ALDH4A1: variants seen among roughly 807,000 people sequenced by gnomAD.
ALDH4A1 encodes the protein aldehyde dehydrogenase 4 family member A1.
A neutral mutation model predicts 70.5 loss-of-function variants in ALDH4A1; 46 were observed. The ratio of observed to expected loss-of-function variants is 0.65; its 90% CI spans 0.51 to 0.83. The LOEUF (loss-of-function observed/expected upper bound fraction) is 0.83, where lower values mean the gene tolerates loss of function less well. ALDH4A1 is among the 40% of genes least tolerant of loss of function. The pLI, the probability that ALDH4A1 is intolerant of heterozygous loss-of-function variation, is 0.00. For missense variants in ALDH4A1, 749 were observed against 766.5 expected, an observed-to-expected ratio of 0.98 and a Z score of 0.27; for synonymous variants, 323 against 324.3, an observed-to-expected ratio of 1.00 and a Z score of 0.04.
rs1268928034 is a variant in ALDH4A1, at chr1:18,881,711, T to C, written c.855A>G (p.Thr285=). The C allele has an allele frequency of 6.2e-6, 10 of 1,614,072 alleles. No individual in the cohort carries two copies. Among genetic ancestry groups the C allele is most frequent in the Non-Finnish European group, 7.6e-6 (9 of 1,180,038 alleles). The part of the protein sequence containing the change: ...SSEHLCGINF[T]GSVPTFKHLW... ...CCCCAGGGACTTACGGCACACTGCCTGTGAAGTTGATGCCACAGAGGTGCT... is the reference window on the plus strand; with the variant it reads ...CCCCAGGGACTTACGGCACACTGCCCGTGAAGTTGATGCCACAGAGGTGCT... The change falls in exon 8 of 15, where the codon ACA becomes ACG. Residue 285 remains threonine (T), a synonymous_variant. Coordinates refer to ENST00000375341, the MANE Select transcript of ALDH4A1 (RefSeq NM_003748.4).
At chr1:18,886,031 C>T (rs892547200) in intron 4 of ALDH4A1, among the ~76,000 whole-genome samples, 1 of 152,228 alleles carries the variant, frequency 6.6e-6, no homozygotes, top group East Asian at 1.9e-4. Context: ...CAGACCCCAA[C>T]TGCCCTCATC....
rs1422892341 is a variant in ALDH4A1, at chr1:18,898,522, G to T, written c.62+3940C>A. On this transcript the variant is annotated intron_variant, in intron 1 of 14. Transcript: ENST00000375341. The surrounding 1 kb of genome is among the most constrained non-coding windows in gnomAD (Gnocchi z 4.3). ...TCCAGGAAGCCCATTGGTGGGAGAG[G>T]GGGATCATCATAACCACAGCAGCAC... Among the ~76,000 whole-genome samples, 2 of 152,198 alleles carry T rather than the reference G, an allele frequency of 1.3e-5. No homozygotes were observed. The highest frequency in any genetic ancestry group is 3.8e-4 in the East Asian group (2 of 5,208).
chr1:18,886,615 G>T, intron 3 of ALDH4A1, 104 bp from the exon 4 acceptor site: 1 of 1,221,346 alleles, frequency 8.2e-7, no homozygotes, highest in Non-Finnish European at 1.2e-6. Flanking sequence ...TCCTGGACAC[G>T]CCTGCTGTCC....
intron 7 of ALDH4A1, 76 bp downstream of exon 7, chr1:18,883,048 C>T (rs1569753313): frequency 4.4e-6 from 7 of 1,589,966 alleles, no homozygotes; most frequent in East Asian, 2.2e-5. Flanking sequence ...CCAAGGGGCT[C>T]AGGGTGGCCT....
rs1236505712 is a variant in ALDH4A1 at position 18,882,774 on chromosome 1, C to T, written c.678+350G>A. 6 of 591,588 alleles carry T rather than the reference C, an allele frequency of 1.0e-5. No individual in the cohort carries two copies. The African/African-American group carries it at 1.1e-4, about 11-fold the overall frequency. The allele number at this position is 591,588 out of a possible 1,614,324, so 36.6% of individuals were successfully genotyped here. On this transcript the variant is annotated intron_variant, in intron 7 of 14. Coordinates refer to ENST00000375341, the MANE Select transcript of ALDH4A1 (RefSeq NM_003748.4). ...GCGGTAATGATCATCAACAGAGCCA[C>T]CAACACTCAGCCAGCTCCGGGCCAG...
chr1:18,887,067 C>T (rs9426640), intron 3 of ALDH4A1, among the ~76,000 whole-genome samples: 3 of 152,306 alleles, frequency 2.0e-5, no homozygotes, highest in Non-Finnish European at 2.9e-5. Flanking sequence ...CGCCCTGCCC[C>T]GAAGCCATCA....
intron 14 of ALDH4A1, 53 bp from the exon 15 acceptor site, chr1:18,873,010 G>A (rs1934514052): frequency 3.5e-6 from 5 of 1,445,378 alleles, no homozygotes; most frequent in Non-Finnish European, 4.8e-6. Flanking sequence ...AGCCTGGGCA[G>A]AAGGGGAAGG....
At position 18,890,320 on chromosome 1, in the gene ALDH4A1, T is replaced by A; in HGVS notation, c.63-215A>T. ...ACTTTGGGAGACCAAGGCGGGCAAA[T>A]CACTTGAGGTCAGGAGTTCGAGACC... is the stretch of plus-strand genomic sequence containing the variant. On this transcript the variant is annotated intron_variant, in intron 1 of 14. Coordinates refer to ENST00000375341, the MANE Select transcript of ALDH4A1 (RefSeq NM_003748.4). The A allele has an allele frequency of 5.8e-6, 3 of 517,284 alleles. No homozygotes were observed. The South Asian group carries it at 6.1e-5, about 11-fold the overall frequency. 32.0% of individuals were successfully genotyped at this position (517,284 alleles called of 1,614,324 possible).
At chr1:18,881,293 C>T (rs2100570337) in intron 8 of ALDH4A1, among the ~76,000 whole-genome samples, 1 of 152,300 alleles carries the variant, frequency 6.6e-6, no homozygotes, top group Non-Finnish European at 1.5e-5. Context: ...GCCTCTTCCC[C>T]TCTGCCTGGC....
intron 4 of ALDH4A1, 105 bp downstream of exon 4, chr1:18,886,359 G>A: frequency 7.4e-7 from 1 of 1,343,470 alleles, no homozygotes; most frequent in Non-Finnish European, 1.1e-6. Context: ...GCCAAAGAAG[G>A]ACACAGCAAC....
At position 18,872,116 on chromosome 1, in the gene ALDH4A1, A is replaced by T. The variant is rs930272413; in HGVS notation, c.*729T>A. On this transcript the variant is annotated 3_prime_UTR_variant, in exon 15 of 15. Coordinates refer to ENST00000375341, the MANE Select transcript of ALDH4A1 (RefSeq NM_003748.4). ...CTGACATAGGACGAAGGCCCATCCA[A>T]GGTTTTCCAGAATCACGGCCTAAAC... 6.6e-6 allele frequency: 1 copy of T among 152,452 alleles called. No homozygotes were observed. The highest frequency in any genetic ancestry group is 1.5e-5 in the Non-Finnish European group (1 of 68,190). 9.4% of individuals were successfully genotyped at this position (152,452 alleles called of 1,614,324 possible).
At position 18,875,444 on chromosome 1, in the gene ALDH4A1, C is replaced by T. The variant is rs148063256; in HGVS notation, c.1398G>A (p.Thr466=). ...YVYPDDKYKE[T]LQLVDSTTSY... is the part of the protein sequence containing the mutation. ...TGGTGGTGCTGTCAACCAGCTGCAG[C>T]GTCTCCTTGTACTTGTCATCCGGGT... is the stretch of plus-strand genomic sequence containing the variant. Residue 466 remains threonine, a synonymous_variant, in exon 13 of 15, where the codon ACG becomes ACA. Transcript: ENST00000375341. The T allele has an allele frequency of 7.4e-6, 12 of 1,614,026 alleles. No individual in the cohort carries two copies. In the Admixed American group the frequency reaches 1.0e-4, roughly 13 times the overall value.
intron 1 of ALDH4A1, 21 bp downstream of exon 1, chr1:18,902,441 C>A: frequency 1.5e-6 from 2 of 1,338,556 alleles, no homozygotes; most frequent in South Asian, 1.9e-5. Flanking sequence ...TCGGGCCGCC[C>A]CGGGCCCCGT....
intron 9 of ALDH4A1, 124 bp from the exon 10 acceptor site, chr1:18,877,736 G>T: frequency 8.3e-7 from 1 of 1,205,188 alleles, no homozygotes; most frequent in Non-Finnish European, 1.2e-6. Flanking sequence ...AGCCCAGAGC[G>T]GGCGGAGGCT....
chr1:18,883,039 C>T, intron 7 of ALDH4A1, 85 bp downstream of exon 7: 4 of 1,578,172 alleles, frequency 2.5e-6, no homozygotes, highest in Admixed American at 1.7e-5. Flanking sequence ...GGCTGAGACC[C>T]AAGGGGCTCA....
intron 5 of ALDH4A1, among the ~76,000 whole-genome samples, chr1:18,884,560 G>A (rs1935116688): frequency 1.3e-5 from 2 of 152,218 alleles, no homozygotes; most frequent in Admixed American, 1.3e-4. Flanking sequence ...TGTCATGCCA[G>A]CTCTGTGCAG....
intron 9 of ALDH4A1, among the ~76,000 whole-genome samples, chr1:18,878,764 C>A (rs35285457): frequency 1.3e-5 from 2 of 152,060 alleles, no homozygotes; most frequent in African/African-American, 4.8e-5. Context: ...TTTAACACCA[C>A]ACATGCCAAA....
chr1:18,890,953 C>G, intron 1 of ALDH4A1: 3 of 956,174 alleles, frequency 3.1e-6, no homozygotes, highest in Non-Finnish European at 3.7e-6. Context: ...ACTTGGAGAG[C>G]TGCCCTGAGC....
chr1:18,889,241 G>A (rs1242721768), intron 3 of ALDH4A1, 121 bp downstream of exon 3: 9 of 865,666 alleles, frequency 1.0e-5, no homozygotes, highest in African/African-American at 5.0e-5. Context: ...AATCTGGGGT[G>A]GGGAGGGGCA....
Sources: gnomAD v4.1 joint callset for allele counts (sites outside exome capture counted in the v4.1 genomes callset) on GRCh38, gnomAD v4.1.1 for gene constraint, Gnocchi (gnomAD v3.1) non-coding constraint, MANE v1.5 for transcripts, NCBI Gene and HGNC (gene_info 2026-07-23, HGNC 2026-07-21) for gene names.